Variants in ROBO2 observed in about 807,000 individuals in gnomAD.
ROBO2 encodes roundabout guidance receptor 2.
ROBO2 carries 53 observed loss-of-function variants against 160.8 expected under a neutral mutation model. The ratio of observed to expected loss-of-function variants is 0.33; its 90% confidence interval spans 0.26 to 0.41. The LOEUF is 0.41. ROBO2 is among the 10% of genes least tolerant of loss of function. The pLI is 1.00. For synonymous variants in ROBO2, 664 were observed against 611.7 expected (o/e 1.09, Z -1.26); for missense variants, 1,577 against 1,722.4 (o/e 0.92, Z 1.49).
intron 2 of ROBO2, among the ~76,000 whole-genome samples, chr3:76,340,111 G>A (rs1410223054): frequency 1.4e-5 from 2 of 147,874 alleles, no homozygotes; most frequent in Non-Finnish European, 3.0e-5. Flanking sequence ...AGAAAATTAA[G>A]ATTATATATC....
At chr3:76,438,410 TCACACACA>T (rs35326545) in intron 2 of ROBO2, among the ~76,000 whole-genome samples, 43 of 146,302 alleles carry the variant, frequency 2.9e-4, no homozygotes, top group African/African-American at 9.2e-4. Context: ...TGTAATCAGT[TCACACACA>T]CACACACACA....
chr3:77,523,574 A>G (rs979355409), intron 6 of ROBO2, among the ~76,000 whole-genome samples: 2 of 151,388 alleles, frequency 1.3e-5, no homozygotes, highest in African/African-American at 2.4e-5. Flanking sequence ...AGTGAAAGAA[A>G]GCATTACTTA....
At chr3:77,249,504 A>T (rs2090112318) in intron 2 of ROBO2, among the ~76,000 whole-genome samples, 1 of 152,196 alleles carries the variant, frequency 6.6e-6, no homozygotes, top group African/African-American at 2.4e-5. Flanking sequence ...CACCTTTAAG[A>T]GGTCCTTAGC....
chr3:77,644,806 C>T, exon 25 of ROBO2: 1 of 1,614,052 alleles, frequency 6.2e-7, no homozygotes, highest in Non-Finnish European at 8.5e-7. Context: ...CCTAGGAAAA[C>T]CGAGGTGTTG....
At chr3:76,195,748 A>G (rs1046762577) in intron 2 of ROBO2, among the ~76,000 whole-genome samples, 1 of 152,232 alleles carries the variant, frequency 6.6e-6, no homozygotes, top group African/African-American at 2.4e-5. Flanking sequence ...CTCTCTGCCT[A>G]TAATGCCTAT....
intron 2 of ROBO2, among the ~76,000 whole-genome samples, chr3:76,460,672 T>C (rs1157053410): frequency 6.6e-6 from 1 of 152,188 alleles, no homozygotes; most frequent in Non-Finnish European, 1.5e-5. Flanking sequence ...CTAGTCCAAT[T>C]AAGCCTGCAG....
chr3:76,329,235 T>C (rs1377043840), intron 2 of ROBO2, among the ~76,000 whole-genome samples: 3 of 152,130 alleles, frequency 2.0e-5, no homozygotes, highest in Admixed American at 1.3e-4. Context: ...GTTTTGTTTT[T>C]TGAGATGGAG....
intron 2 of ROBO2, among the ~76,000 whole-genome samples, chr3:77,357,272 C>A (rs981624399): frequency 1.3e-5 from 2 of 152,158 alleles, no homozygotes; most frequent in African/African-American, 4.8e-5. Context: ...GCAAAAGACT[C>A]TGCCCTCTGA....
intron 2 of ROBO2, among the ~76,000 whole-genome samples, chr3:77,110,900 C>A (rs1487939812): frequency 2.0e-5 from 3 of 151,966 alleles, no homozygotes. Flanking sequence ...CACTCTCTTG[C>A]CCAGACTGGT....
chr3:77,203,269 T>C (rs1201931799), intron 2 of ROBO2, among the ~76,000 whole-genome samples: 2 of 152,236 alleles, frequency 1.3e-5, no homozygotes, highest in East Asian at 3.9e-4. Context: ...ACACTTCTGA[T>C]TGTGTTGACT....
chr3:76,599,996 C>T (rs1227053093), intron 2 of ROBO2, among the ~76,000 whole-genome samples: 2 of 152,098 alleles, frequency 1.3e-5, no homozygotes, highest in Non-Finnish European at 2.9e-5. Flanking sequence ...TGTAGATTTT[C>T]TGTTTACTCT....
At chr3:76,622,231 GAAGGAAGAAAGAAAGAAAGAAAGAAAGA>G (rs1267702681) in intron 2 of ROBO2, among the ~76,000 whole-genome samples, 69 of 36,348 alleles carry the variant, frequency 1.9e-3, no homozygotes, top group African/African-American at 5.9e-3. Context: ...AGGAAGGAAG[GAAGGAAGAAAGAAAGAAAGAAAGAAAGA>G]AAGAAAGAAA....
At chr3:76,768,566 G>C (rs1576511925) in intron 2 of ROBO2, among the ~76,000 whole-genome samples, 1 of 151,126 alleles carries the variant, frequency 6.6e-6, no homozygotes, top group South Asian at 2.1e-4. Flanking sequence ...ACTATATACT[G>C]TATAGTAGAT....
chr3:76,240,697 T>C (rs1022122591), intron 2 of ROBO2, among the ~76,000 whole-genome samples: 20 of 152,146 alleles, frequency 1.3e-4, no homozygotes, highest in Non-Finnish European at 2.6e-4. Flanking sequence ...GCTTTTTTTT[T>C]CCACACCGTT....
At chr3:76,938,361 C>CG (rs1218281793) in intron 2 of ROBO2, among the ~76,000 whole-genome samples, 4 of 149,128 alleles carry the variant, frequency 2.7e-5, no homozygotes, top group Non-Finnish European at 4.4e-5. Flanking sequence ...CCCCACCTAC[C>CG]CCCCCCAAAA....
At chr3:77,327,324 C>T (rs17771868) in intron 2 of ROBO2, among the ~76,000 whole-genome samples, 5,066 of 152,204 alleles carry the variant, frequency 0.033, 120 homozygotes, top group Middle Eastern at 0.054. Flanking sequence ...ATTTCGTTCA[C>T]AGTGTATGTC....
intron 2 of ROBO2, among the ~76,000 whole-genome samples, chr3:77,348,963 T>A (rs933044933): frequency 8.1e-4 from 124 of 152,168 alleles, no homozygotes; most frequent in Non-Finnish European, 8.5e-4. Context: ...AAGCTTCTTC[T>A]CGGAGAGGCC....
At chr3:76,026,477 G>A (rs745589843) in intron 2 of ROBO2, among the ~76,000 whole-genome samples, 5 of 151,840 alleles carry the variant, frequency 3.3e-5, no homozygotes, top group Non-Finnish European at 5.9e-5. Flanking sequence ...TCACTTAAGA[G>A]GAATGTCCTT....
At chr3:76,796,006 C>G (rs2063667821) in intron 2 of ROBO2, among the ~76,000 whole-genome samples, 1 of 152,098 alleles carries the variant, frequency 6.6e-6, no homozygotes, top group African/African-American at 2.4e-5. Context: ...GGTGTACTAT[C>G]AATGAGCAAC....
Sources: allele counts gnomAD v4.1 joint callset (sites outside exome capture counted in the v4.1 genomes callset), GRCh38; gene constraint gnomAD v4.1.1; transcripts MANE v1.5; gene names NCBI Gene and HGNC (gene_info 2026-07-23, HGNC 2026-07-21).